The following IQCB1 variants were observed in gnomAD, a reference collection of about 807,000 sequenced individuals.
IQCB1 encodes IQ calmodulin-binding motif-containing protein 1.
In IQCB1, 56 loss-of-function variants were observed where a neutral mutation model predicts 84.4. The observed-to-expected ratio is 0.66, with a 90% CI of 0.54 to 0.83. The LOEUF (loss-of-function observed/expected upper bound fraction) is 0.83. Among genes scored for constraint, IQCB1 ranks in the 40% least tolerant of loss-of-function variants. IQCB1 has a pLI of 0.00. For synonymous variants in IQCB1, 210 were observed against 234.8 expected (o/e 0.89, Z 0.96); for missense variants, 629 against 682.1 (o/e 0.92, Z 0.87).
rs958359387 is a variant in IQCB1 at position 121,770,059 on chromosome 3, C to A, written c.*286G>T. 6 of 243,906 alleles carry A rather than the reference C, an allele frequency of 2.5e-5. No individual in the cohort carries two copies. The highest frequency in any genetic ancestry group is 1.1e-4 in the South Asian group (1 of 8,808). The allele number at this position is 243,906 out of a possible 1,614,324, so 15.1% of individuals were successfully genotyped here. A position where few individuals can be genotyped will look rare whatever the true frequency, so the allele number is the denominator to read the frequency against. On this transcript the variant is annotated 3_prime_UTR_variant, in exon 15 of 15. Coordinates refer to ENST00000310864, the MANE Select transcript of IQCB1 (RefSeq NM_001023570.4). ...ATATTTAGTTGGAAAACAGAAGAAA[C>A]CAAAGAAAAACACACTTCATGTAAA...
intron 10 of IQCB1, among the ~76,000 whole-genome samples, chr3:121,792,341 A>T (rs1347828484): frequency 3.3e-5 from 5 of 152,060 alleles, no homozygotes; most frequent in Non-Finnish European, 7.4e-5. Context: ...GTGGAAGTAA[A>T]GTACAAACCA....
At chr3:121,828,726 T>C (rs1350605468) in intron 3 of IQCB1, 94 bp from the exon 4 acceptor site, 2 of 1,053,336 alleles carry the variant, frequency 1.9e-6, no homozygotes, top group East Asian at 2.6e-5. Flanking sequence ...TAAAAATATA[T>C]TAGAAGGAAA....
chr3:121,802,203 T>C (rs1949433424), intron 7 of IQCB1, among the ~76,000 whole-genome samples: 1 of 152,090 alleles, frequency 6.6e-6, no homozygotes, highest in Admixed American at 6.6e-5. Context: ...TTGCTTAAGA[T>C]TATTATTTCT....
At position 121,788,297 on chromosome 3, in the gene IQCB1, G is replaced by A. The variant is rs752861383; in HGVS notation, c.1265C>T (p.Thr422Ile). 1.2e-6 allele frequency: 2 copies of A among 1,613,954 alleles called. No homozygotes were observed. The highest frequency in any genetic ancestry group is 2.2e-5 in the East Asian group (1 of 44,848). Residue 422 changes from threonine (T) to isoleucine (I), a missense_variant, in exon 12 of 15, where the codon ACA (threonine) becomes ATA (isoleucine). Physicochemically the swap from Thr to Ile is moderately conservative, Grantham distance 89. Coordinates refer to ENST00000310864, the MANE Select transcript of IQCB1 (RefSeq NM_001023570.4). The part of the protein sequence containing the change: ...QSLIEYKAAV[T>I]LQRAALKFLA... Reference sequence around the variant, plus strand: ...CATTAGACTCACTGCTCTTTGAAGTGTGACAGCTGCTTTATACTCTATGAG... The same window carrying A: ...CATTAGACTCACTGCTCTTTGAAGTATGACAGCTGCTTTATACTCTATGAG...
intron 5 of IQCB1, among the ~76,000 whole-genome samples, chr3:121,818,436 T>A (rs1950153824): frequency 6.6e-6 from 1 of 152,340 alleles, no homozygotes; most frequent in South Asian, 2.1e-4. Flanking sequence ...ATTCCCCATA[T>A]GGAGCTAAGA....
At chr3:121,831,036 G>A (rs1467519959) in intron 2 of IQCB1, among the ~76,000 whole-genome samples, 1 of 152,192 alleles carries the variant, frequency 6.6e-6, no homozygotes, top group Non-Finnish European at 1.5e-5. Flanking sequence ...GGCTCAAGAG[G>A]ATGGGGTACA....
chr3:121,782,085 G>A (rs575604959), intron 12 of IQCB1, among the ~76,000 whole-genome samples: 10 of 152,196 alleles, frequency 6.6e-5, no homozygotes, highest in South Asian at 2.1e-4. Context: ...ATATAGTCAC[G>A]TATTATTTGT....
chr3:121,828,338 G>A, intron 4 of IQCB1, 132 bp downstream of exon 4: 1 of 754,966 alleles, frequency 1.3e-6, no homozygotes, highest in South Asian at 1.5e-5. Context: ...ATAATATGAA[G>A]GAAAAGTACA....
intron 13 of IQCB1, among the ~76,000 whole-genome samples, chr3:121,780,945 G>T (rs983195059): frequency 2.0e-5 from 3 of 152,104 alleles, no homozygotes; most frequent in African/African-American, 7.2e-5. Context: ...AACAAAACTC[G>T]TGAAAAGTAC....
chr3:121,771,944 G>A (rs1426418287), intron 14 of IQCB1, among the ~76,000 whole-genome samples: 1 of 152,046 alleles, frequency 6.6e-6, no homozygotes, highest in Non-Finnish European at 1.5e-5. Flanking sequence ...GGGAGGCCGA[G>A]GTAGGCAGGT....
intron 6 of IQCB1, 34 bp downstream of exon 6, chr3:121,808,882 T>A (rs763001696): frequency 5.6e-6 from 7 of 1,258,386 alleles, no homozygotes; most frequent in Non-Finnish European, 8.2e-6. Context: ...GACTCTACAA[T>A]AGCTATTAGT....
chr3:121,771,929 A>G (rs1457939111), intron 14 of IQCB1, among the ~76,000 whole-genome samples: 2 of 152,032 alleles, frequency 1.3e-5, no homozygotes, highest in East Asian at 3.9e-4. Context: ...TAATCCCAGC[A>G]CTTTGGGAGG....
intron 8 of IQCB1, among the ~76,000 whole-genome samples, chr3:121,797,760 G>A (rs1236864809): frequency 6.6e-6 from 1 of 152,008 alleles, no homozygotes; most frequent in Non-Finnish European, 1.5e-5. Flanking sequence ...TATAGGTGAA[G>A]TGCTACAACA....
chr3:121,770,859 T>C (rs1045836492), intron 14 of IQCB1, among the ~76,000 whole-genome samples: 2 of 152,148 alleles, frequency 1.3e-5, no homozygotes, highest in African/African-American at 2.4e-5. Context: ...TCTTTTTTTG[T>C]AGAGATCTCA....
At chr3:121,791,849 G>T (rs559654346) in intron 10 of IQCB1, among the ~76,000 whole-genome samples, 1 of 152,282 alleles carries the variant, frequency 6.6e-6, no homozygotes, top group East Asian at 1.9e-4. Flanking sequence ...CCAGCACTTT[G>T]GGAGGCCAAG....
chr3:121,823,794 T>C lies in IQCB1; in HGVS notation c.393+2257A>G, dbSNP rs373905300. 5.3e-5 allele frequency among the ~76,000 whole-genome samples: 8 copies of C among 152,292 alleles called. No homozygotes were observed. The South Asian group carries it at 1.5e-3, about 28-fold the overall frequency. On this transcript the variant is annotated intron_variant, in intron 5 of 14. Transcript: ENST00000310864. The stretch of plus-strand genomic sequence containing the variant: ...AAGGAATAAAGACAACCAGACATAG[T>C]AGATATAAAAAAATCATTTTTCTTT...
intron 7 of IQCB1, among the ~76,000 whole-genome samples, chr3:121,802,387 G>A (rs1479495409): frequency 6.6e-6 from 1 of 151,944 alleles, no homozygotes; most frequent in African/African-American, 2.4e-5. Flanking sequence ...CAATAAATTT[G>A]TCCATTTGAT....
intron 4 of IQCB1, among the ~76,000 whole-genome samples, chr3:121,826,801 T>G (rs1329355092): frequency 6.6e-6 from 1 of 152,238 alleles, no homozygotes; most frequent in Non-Finnish European, 1.5e-5. Flanking sequence ...TACATAAAAG[T>G]CATTTCCTGT....
chr3:121,801,244 A>G (rs1322886359), intron 7 of IQCB1, among the ~76,000 whole-genome samples: 1 of 151,974 alleles, frequency 6.6e-6, no homozygotes, highest in Admixed American at 6.6e-5. Flanking sequence ...TCTAGTCCCA[A>G]TCTCTTCCAG....
Sources: allele counts gnomAD v4.1 joint callset (sites outside exome capture counted in the v4.1 genomes callset), GRCh38; gene constraint gnomAD v4.1.1; transcripts MANE v1.5; gene names NCBI Gene and HGNC (gene_info 2026-07-23, HGNC 2026-07-21).